NNMT: variants seen among roughly 807,000 people sequenced by gnomAD.
NNMT encodes nicotinamide N-methyltransferase.
Under a neutral mutation model 11.7 loss-of-function variants are expected in NNMT, and 10 were observed. The ratio of observed to expected loss-of-function variants is 0.85; its 90% CI spans 0.53 to 1.45. The LOEUF (loss-of-function observed/expected upper bound fraction) is 1.45. Among genes scored for constraint, NNMT ranks in the 40% most tolerant of loss-of-function variants. NNMT has a pLI of 0.00. For synonymous variants in NNMT, 143 were observed against 133.8 expected, an observed-to-expected ratio of 1.07 and a Z score of -0.48; for missense variants, 381 against 319.4, an observed-to-expected ratio of 1.19 and a Z score of -1.47.
chr11:114,295,345 G>T (rs186881075), upstream of NNMT, among the ~76,000 whole-genome samples: 2 of 152,132 alleles, frequency 1.3e-5, no homozygotes, highest in Non-Finnish European at 2.9e-5. Context: ...ATGCTTTAGC[G>T]GGGAGTGAGC....
intron 2 of NNMT, among the ~76,000 whole-genome samples, chr11:114,264,185 A>T (rs1406433217): frequency 6.6e-6 from 1 of 151,698 alleles, no homozygotes; most frequent in African/African-American, 2.4e-5. Flanking sequence ...ATCAGCATAG[A>T]ACACCTCCCA....
chr11:114,273,062 A>G lies in NNMT; in HGVS notation c.-130+10128A>G, dbSNP rs553748541. Among the ~76,000 whole-genome samples, 3 of 152,282 alleles carry G rather than the reference A, an allele frequency of 2.0e-5. No homozygotes were observed. In the South Asian group the frequency reaches 6.2e-4, roughly 32 times the overall value. On this transcript the variant is annotated intron_variant, in intron 2 of 4. Transcript: ENST00000535401. ...TGCACGTATGTGCCTCTGATTTTATATTGCCTATGGACCTGACTACTGTAG... is the reference window on the plus strand; with the variant it reads ...TGCACGTATGTGCCTCTGATTTTATGTTGCCTATGGACCTGACTACTGTAG...
At chr11:114,280,892 T>A (rs555345198) in intron 2 of NNMT, among the ~76,000 whole-genome samples, 4 of 152,230 alleles carry the variant, frequency 2.6e-5, no homozygotes, top group African/African-American at 9.6e-5. Flanking sequence ...CCTGCACTCC[T>A]GTTCTCCCAG....
intron 2 of NNMT, among the ~76,000 whole-genome samples, chr11:114,265,169 C>T (rs986473596): frequency 3.3e-5 from 5 of 152,128 alleles, no homozygotes; most frequent in African/African-American, 1.2e-4. Flanking sequence ...TAAACTCATT[C>T]GCATATGAAA....
Position 114,272,328 on chromosome 11 carries a change from C to A in NNMT, c.-130+9394C>A, listed in dbSNP as rs574094644. ...CAGTGACATGATTAAGTCAGAAGCT[C>A]ATCTCCTTCAACCTTGCAGGAGGTC... On this transcript the variant is annotated intron_variant, in intron 2 of 4. Transcript: ENST00000535401. 1.1e-3 allele frequency among the ~76,000 whole-genome samples: 175 copies of A among 152,316 alleles called. 1 individual carries two copies. Among genetic ancestry groups the A allele is most frequent in the African/African-American group, 4.0e-3 (165 of 41,568 alleles).
chr11:114,312,201 C>T lies in NNMT; in HGVS notation c.519C>T (p.Leu173=). 1 of 1,614,216 alleles carries T rather than the reference C, an allele frequency of 6.2e-7. No individual in the cohort carries two copies. The highest frequency in any genetic ancestry group is 8.5e-7 in the Non-Finnish European group (1 of 1,180,036). ...GTCTGGATGCCGCCTGCCCAGACCT[C>T]CCCACCTACTGCAGGGCGCTCAGGA... ...TLCLDAACPD[L]PTYCRALRNL... Residue 173 remains leucine, a synonymous_variant, in exon 3 of 3, where the codon CTC becomes CTT. Transcript: ENST00000299964.
chr11:114,284,078 G>C (rs1435299998), intron 2 of NNMT, among the ~76,000 whole-genome samples: 1 of 152,188 alleles, frequency 6.6e-6, no homozygotes, highest in African/African-American at 2.4e-5. Flanking sequence ...ATGTGACAAA[G>C]GAGCAACAAG....
chr11:114,259,193 GAA>G (rs1440248313), intron 1 of NNMT, among the ~76,000 whole-genome samples: 4 of 152,306 alleles, frequency 2.6e-5, no homozygotes, highest in African/African-American at 9.6e-5. Context: ...ATAGATGAAA[GAA>G]AGAGAGGGAG....
At chr11:114,260,128 T>C (rs1213604122) in intron 1 of NNMT, among the ~76,000 whole-genome samples, 1 of 152,200 alleles carries the variant, frequency 6.6e-6, no homozygotes, top group Non-Finnish European at 1.5e-5. Flanking sequence ...CTCAGAATGC[T>C]GCCTTTCAGC....
intron 2 of NNMT, among the ~76,000 whole-genome samples, chr11:114,283,265 G>T (rs1482522648): frequency 6.6e-6 from 1 of 152,164 alleles, no homozygotes; most frequent in African/African-American, 2.4e-5. Context: ...AACAATCTGG[G>T]TATCTGCTCC....
At chr11:114,264,348 T>C (rs1477539014) in intron 2 of NNMT, among the ~76,000 whole-genome samples, 2 of 152,184 alleles carry the variant, frequency 1.3e-5, no homozygotes, top group African/African-American at 4.8e-5. Flanking sequence ...TTTATCTCTG[T>C]TATTCCTTTA....
At chr11:114,284,679 G>T (rs548801425) in intron 2 of NNMT, among the ~76,000 whole-genome samples, 1 of 150,928 alleles carries the variant, frequency 6.6e-6, no homozygotes, top group Non-Finnish European at 1.5e-5. Context: ...AGCCAGGATG[G>T]TCTCGATCTC....
chr11:114,264,258 C>T (rs758196377), intron 2 of NNMT, among the ~76,000 whole-genome samples: 1 of 151,990 alleles, frequency 6.6e-6, no homozygotes, highest in Non-Finnish European at 1.5e-5. Flanking sequence ...TTCTCTCTTC[C>T]TTGGAAGAGC....
intron 2 of NNMT, chr11:114,270,345 C>A (rs1427388280): frequency 6.6e-6 from 1 of 152,076 alleles, no homozygotes; most frequent in Non-Finnish European, 1.5e-5. Context: ...AAACCTGTGC[C>A]CTTTCCCTGG....
chr11:114,297,679 G>T (rs557792688), intron 1 of NNMT, among the ~76,000 whole-genome samples: 1 of 152,152 alleles, frequency 6.6e-6, no homozygotes, highest in Admixed American at 6.5e-5. Context: ...TAGAGATGAG[G>T]TCTCACTATG....
chr11:114,276,222 G>A (rs1486738122), intron 2 of NNMT, among the ~76,000 whole-genome samples: 1 of 151,630 alleles, frequency 6.6e-6, no homozygotes, highest in Admixed American at 6.6e-5. Context: ...TCTACATGGT[G>A]GGGGACAAGA....
chr11:114,295,142 C>G (rs968095820), upstream of NNMT, among the ~76,000 whole-genome samples: 5 of 152,146 alleles, frequency 3.3e-5, no homozygotes, highest in African/African-American at 9.7e-5. Flanking sequence ...GAGGAATGGG[C>G]CAACTGGTGG....
In NNMT at chr11:114,268,174, G is replaced by A. The variant is rs1026791924; in HGVS notation, c.-130+5240G>A. On this transcript the variant is annotated intron_variant, in intron 2 of 4. Transcript: ENST00000535401. ...TTTAGGCCAGTGGAGTGGCGACATCGCTGACCTTTCTGAGACACCTGGGAG... is the reference window on the plus strand; with the variant it reads ...TTTAGGCCAGTGGAGTGGCGACATCACTGACCTTTCTGAGACACCTGGGAG... Among the ~76,000 whole-genome samples, 6 of 152,082 alleles carry A rather than the reference G, an allele frequency of 3.9e-5. No homozygotes were observed. The South Asian group carries it at 8.3e-4, about 21-fold the overall frequency.
At chr11:114,297,911 G>A in intron 1 of NNMT, 40 bp from the exon 2 acceptor site, 1 of 1,573,164 alleles carries the variant, frequency 6.4e-7, no homozygotes, top group Non-Finnish European at 8.7e-7. Context: ...ACTGCCATGA[G>A]ATGCCTGATC....
Sources: gnomAD v4.1 joint callset for allele counts (sites outside exome capture counted in the v4.1 genomes callset) on GRCh38, gnomAD v4.1.1 for gene constraint, MANE v1.5 for transcripts, NCBI Gene and HGNC (gene_info 2026-07-23, HGNC 2026-07-21) for gene names.